The following JMJD1C variants were observed in gnomAD, a reference collection of about 807,000 sequenced individuals.
The protein encoded by JMJD1C is jumonji domain-containing protein 1C.
JMJD1C carries 31 observed loss-of-function variants against 245.3 expected under a neutral mutation model. The observed-to-expected ratio is 0.13, with a 90% CI of 0.09 to 0.17. The LOEUF (loss-of-function observed/expected upper bound fraction) is 0.17. Among genes scored for constraint, JMJD1C ranks in the 10% least tolerant of loss-of-function variants. The probability of loss-of-function intolerance (pLI) is 1.00; values close to 1 mark genes in which losing one functional copy is unlikely to be tolerated. For missense variants in JMJD1C, 2,691 were observed against 3,000.2 expected (o/e 0.90, Z 2.41); for synonymous variants, 1,057 against 1,017.4 (o/e 1.04, Z -0.74).
rs1211149602 is a variant in JMJD1C at position 63,176,196 on chromosome 10, T to G, written c.7401+101A>C. On this transcript the variant is annotated intron_variant, in intron 24 of 25. Coordinates refer to ENST00000399262, the MANE Select transcript of JMJD1C (RefSeq NM_032776.3). Reference sequence around the variant, plus strand: ...AGACTGGTGCAGGTAATTCTCTTATTTGCATCTTCTTCCATTTATATCTAT... The same window carrying G: ...AGACTGGTGCAGGTAATTCTCTTATGTGCATCTTCTTCCATTTATATCTAT... 4.4e-6 allele frequency: 3 copies of G among 674,694 alleles called. No individual in the cohort carries two copies. In the African/African-American group the frequency reaches 5.4e-5, roughly 12 times the overall value. The allele number at this position is 674,694 out of a possible 1,614,324, so 41.8% of individuals were successfully genotyped here.
At chr10:63,280,155 TA>T (rs1352502820) in intron 2 of JMJD1C, among the ~76,000 whole-genome samples, 1 of 151,490 alleles carries the variant, frequency 6.6e-6, no homozygotes, top group Non-Finnish European at 1.5e-5. Context: ...CATATCAATT[TA>T]AAAAAAAATT....
intron 16 of JMJD1C, among the ~76,000 whole-genome samples, chr10:63,191,910 G>GA (rs397760856): frequency 0.019 from 2 of 104 alleles, no homozygotes; most frequent in Non-Finnish European, 0.33. Context: ...GCTGGAACCT[G>GA]AAGTCAGAGG....
chr10:63,213,892 T>C lies in JMJD1C; in HGVS notation c.2275A>G (p.Thr759Ala), dbSNP rs1311396036. ...CCGGCTAGTAAATGGGGTGCAGGAG[T>C]TAAGGCAGGATGATGGGTACCTGGA... ...LNPGTHHPALTPAPHLLAGSS... is the reference protein window; with the variant it reads ...LNPGTHHPALAPAPHLLAGSS... Residue 759 changes from threonine (T) to alanine (A), a missense_variant, in exon 8 of 26, where the codon ACT becomes GCT. By Grantham distance (58) the Thr-to-Ala change is moderately conservative. Around this residue, in one of 9 missense-constraint regions of JMJD1C, gnomAD observed 1,562 missense variants for 1,490.7 expected, o/e 1.05. Coordinates refer to ENST00000399262, the MANE Select transcript of JMJD1C (RefSeq NM_032776.3). The C allele has an allele frequency of 1.4e-5, 22 of 1,613,724 alleles. No individual in the cohort carries two copies. The highest frequency in any genetic ancestry group is 1.8e-5 in the Non-Finnish European group (21 of 1,179,966).
chr10:63,363,668 C>T (rs1945598044), intron 2 of JMJD1C, among the ~76,000 whole-genome samples: 1 of 152,042 alleles, frequency 6.6e-6, no homozygotes, highest in Admixed American at 6.6e-5. Flanking sequence ...TAGCATTCCC[C>T]TCTGATGACA....
intron 1 of JMJD1C, among the ~76,000 whole-genome samples, chr10:63,419,834 T>TAAAAA (rs34006135): frequency 9.6e-5 from 11 of 114,460 alleles, no homozygotes; most frequent in Non-Finnish European, 1.3e-4. Flanking sequence ...CTCCATGAAA[T>TAAAAA]AAAAAAAAAA....
chr10:63,329,248 C>A (rs1259431952), intron 2 of JMJD1C, among the ~76,000 whole-genome samples: 2 of 150,646 alleles, frequency 1.3e-5, no homozygotes, highest in African/African-American at 4.9e-5. Flanking sequence ...AGCCACTGAA[C>A]TCCAGCCTAG....
chr10:63,414,037 A>G (rs1161973287), intron 1 of JMJD1C, among the ~76,000 whole-genome samples: 2 of 138,154 alleles, frequency 1.4e-5, no homozygotes, highest in East Asian at 4.2e-4. Flanking sequence ...ACCAGGCTGG[A>G]GTGCAGTGGT....
intron 2 of JMJD1C, among the ~76,000 whole-genome samples, chr10:63,316,959 G>A (rs1292703696): frequency 6.6e-6 from 1 of 152,076 alleles, no homozygotes; most frequent in Non-Finnish European, 1.5e-5. Flanking sequence ...CCCTGGGTTA[G>A]AGCAATTCTC....
intron 15 of JMJD1C, 58 bp downstream of exon 15, chr10:63,193,287 T>A (rs1845062764): frequency 1.3e-6 from 2 of 1,518,856 alleles, no homozygotes; most frequent in African/African-American, 1.4e-5. Context: ...CAAATAAATA[T>A]CAAAGTTGAC....
chr10:63,484,688 TAAA>T (rs149611149), intron 1 of JMJD1C, among the ~76,000 whole-genome samples: 2 of 151,820 alleles, frequency 1.3e-5, no homozygotes, highest in Non-Finnish European at 2.9e-5. Flanking sequence ...TCTCTTAACT[TAAA>T]AAAAATTGGC....
At chr10:63,224,241 T>C (rs1306943805) in intron 3 of JMJD1C, among the ~76,000 whole-genome samples, 3 of 152,232 alleles carry the variant, frequency 2.0e-5, no homozygotes, top group Admixed American at 2.0e-4. Flanking sequence ...AATCTCCTCA[T>C]CTATAAAGCA....
intron 1 of JMJD1C, among the ~76,000 whole-genome samples, chr10:63,476,994 AC>A (rs1294957243): frequency 6.6e-6 from 1 of 152,238 alleles, no homozygotes; most frequent in African/African-American, 2.4e-5. Flanking sequence ...AAAACTTTAT[AC>A]AAAAAATTCA....
intron 2 of JMJD1C, among the ~76,000 whole-genome samples, chr10:63,335,936 C>G (rs1942680774): frequency 6.6e-6 from 1 of 151,948 alleles, no homozygotes. Flanking sequence ...GCCTGGGCAA[C>G]ATGGTGAAAA....
intron 3 of JMJD1C, among the ~76,000 whole-genome samples, chr10:63,226,365 T>C (rs1243267741): frequency 6.6e-6 from 1 of 152,202 alleles, no homozygotes; most frequent in Admixed American, 6.5e-5. Flanking sequence ...GTTAACACTG[T>C]GCTGAATGAC....
At chr10:63,389,218 AG>A (rs1947850818) in intron 1 of JMJD1C, among the ~76,000 whole-genome samples, 1 of 149,916 alleles carries the variant, frequency 6.7e-6, no homozygotes, top group Non-Finnish European at 1.5e-5. Context: ...AGGCTGAGGC[AG>A]GAGAACCGCT....
At chr10:63,463,300 G>T (rs570084347) in intron 1 of JMJD1C, among the ~76,000 whole-genome samples, 1 of 151,736 alleles carries the variant, frequency 6.6e-6, no homozygotes, top group African/African-American at 2.4e-5. Flanking sequence ...CCAGTAGATG[G>T]AACCACAGGC....
chr10:63,413,029 G>A (rs938945932), intron 1 of JMJD1C, among the ~76,000 whole-genome samples: 2 of 126,310 alleles, frequency 1.6e-5, no homozygotes, highest in African/African-American at 5.3e-5. Flanking sequence ...CACAAAAATA[G>A]AGTATATCAA....
At chr10:63,485,022 C>G (rs931893072) in intron 1 of JMJD1C, among the ~76,000 whole-genome samples, 1 of 150,912 alleles carries the variant, frequency 6.6e-6, no homozygotes, top group Non-Finnish European at 1.5e-5. Context: ...AAAAAGAAAT[C>G]CAGAAATAGA....
chr10:63,299,313 T>C (rs1244040122), intron 2 of JMJD1C, among the ~76,000 whole-genome samples: 7 of 151,588 alleles, frequency 4.6e-5, no homozygotes, highest in Admixed American at 3.3e-4. Context: ...CTCCCAAGCA[T>C]CTGGGATTAC....
Sources: allele counts gnomAD v4.1 joint callset (sites outside exome capture counted in the v4.1 genomes callset), GRCh38; gene constraint gnomAD v4.1.1; regional missense constraint gnomAD v4.1.1; transcripts MANE v1.5; gene names NCBI Gene and HGNC (gene_info 2026-07-23, HGNC 2026-07-21).